Variants in NBAS observed in about 807,000 individuals in gnomAD.
NBAS encodes NAG/BC035112 fusion.
A neutral mutation model predicts 302.5 loss-of-function variants in NBAS; 219 were observed. That is an observed-to-expected ratio of 0.72 (90% CI 0.65 to 0.81). NBAS has a LOEUF of 0.81. Among genes scored for constraint, NBAS ranks in the 30% least tolerant of loss-of-function variants. NBAS has a pLI of 0.00. For missense variants in NBAS, 2,932 were observed against 2,841.6 expected, an observed-to-expected ratio of 1.03 and a Z score of -0.72; for synonymous variants, 1,118 against 1,021.6, an observed-to-expected ratio of 1.09 and a Z score of -1.80.
intron 24 of NBAS, 124 bp from the exon 25 acceptor site, chr2:15,415,843 A>G: frequency 1.1e-6 from 1 of 949,160 alleles, no homozygotes; most frequent in Non-Finnish European, 1.7e-6. Context: ...TGCAAACCCA[A>G]CACTCTAAAA....
At position 15,404,863 on chromosome 2, in the gene NBAS, T is replaced by C. The variant is rs1214348617; in HGVS notation, c.2938-2562A>G. On this transcript the variant is annotated intron_variant, in intron 25 of 51. Transcript: ENST00000281513. ...GTCCTTGAGTCCATATTTGACCACATATGTTCAAACTTTACGTTGAGAATC... is the reference window on the plus strand; with the variant it reads ...GTCCTTGAGTCCATATTTGACCACACATGTTCAAACTTTACGTTGAGAATC... Among the ~76,000 whole-genome samples the C allele has an allele frequency of 1.3e-5, 2 of 152,264 alleles. 1 individual carries two copies. Among genetic ancestry groups the C allele is most frequent in the Admixed American group, 1.3e-4 (2 of 15,300 alleles).
chr2:15,419,964 A>G (rs79720984), intron 23 of NBAS, among the ~76,000 whole-genome samples: 3,080 of 152,216 alleles, frequency 0.02, 72 homozygotes, highest in East Asian at 0.06. Context: ...CGCCTGCCTC[A>G]GCCTCCCAAA....
intron 38 of NBAS, among the ~76,000 whole-genome samples, chr2:15,314,150 T>C (rs1394885525): frequency 1.3e-5 from 2 of 152,218 alleles, no homozygotes; most frequent in East Asian, 1.9e-4. Flanking sequence ...AGCTAGGAGT[T>C]TGAGACCAGC....
the NBAS span, among the ~76,000 whole-genome samples, chr2:15,089,579 G>A: frequency 6.6e-6 from 1 of 152,038 alleles, no homozygotes; most frequent in Non-Finnish European, 1.5e-5. Flanking sequence ...AGGCGGGGAG[G>A]GACCCAGTAC....
At chr2:15,078,908 G>A in the NBAS span, among the ~76,000 whole-genome samples, 1 of 152,116 alleles carries the variant, frequency 6.6e-6, no homozygotes, top group African/African-American at 2.4e-5. Flanking sequence ...TCCTCCTGGA[G>A]GTGAAGTGAG....
chr2:15,343,142 C>T (rs1301295695), intron 35 of NBAS, among the ~76,000 whole-genome samples: 1 of 152,068 alleles, frequency 6.6e-6, no homozygotes, highest in African/African-American at 2.4e-5. Context: ...CCAGGCTATG[C>T]ATTTACACAA....
the NBAS span, among the ~76,000 whole-genome samples, chr2:14,937,043 A>G: frequency 1.3e-5 from 2 of 152,256 alleles, no homozygotes; most frequent in Non-Finnish European, 2.9e-5. Context: ...TACCAGCTCA[A>G]GACAAACTCT....
chr2:15,507,346 C>T (rs539458497), intron 10 of NBAS, among the ~76,000 whole-genome samples: 9 of 152,114 alleles, frequency 5.9e-5, no homozygotes, highest in Non-Finnish European at 1.2e-4. Context: ...TAGGATTTCT[C>T]GTGGAAATAG....
At chr2:14,870,325 C>A in the NBAS span, among the ~76,000 whole-genome samples, 1 of 152,182 alleles carries the variant, frequency 6.6e-6, no homozygotes, top group South Asian at 2.1e-4. Flanking sequence ...AGGGAACCCT[C>A]AAGTCTTTGG....
chr2:15,292,390 A>G (rs1372609814), intron 41 of NBAS, 147 bp downstream of exon 41: 10 of 814,608 alleles, frequency 1.2e-5, no homozygotes, highest in East Asian at 5.3e-5. Context: ...CACATCCCAC[A>G]TAAGACTAGA....
intron 48 of NBAS, among the ~76,000 whole-genome samples, chr2:15,203,436 A>C (rs1303514578): frequency 2.0e-5 from 3 of 152,242 alleles, no homozygotes; most frequent in East Asian, 3.8e-4. Flanking sequence ...TTCACAGCTT[A>C]AGGGAAAAGA....
chr2:15,369,043 C>T (rs965799823), intron 31 of NBAS, among the ~76,000 whole-genome samples: 4 of 152,066 alleles, frequency 2.6e-5, no homozygotes, highest in Non-Finnish European at 5.9e-5. Flanking sequence ...CCTCAATATC[C>T]GCTACTATTT....
intron 47 of NBAS, among the ~76,000 whole-genome samples, chr2:15,219,626 G>C (rs1321038905): frequency 1.5e-5 from 2 of 137,126 alleles, no homozygotes; most frequent in African/African-American, 2.8e-5. Flanking sequence ...TGTTTCAGAG[G>C]GCACAGGGTT....
chr2:15,514,739 C>T (rs999865921), intron 9 of NBAS, among the ~76,000 whole-genome samples: 1 of 151,912 alleles, frequency 6.6e-6, no homozygotes, highest in Non-Finnish European at 1.5e-5. Flanking sequence ...ATGTCTGAAA[C>T]TTTAAGTTGG....
intron 21 of NBAS, among the ~76,000 whole-genome samples, chr2:15,448,339 T>G (rs1480667984): frequency 9.9e-5 from 15 of 152,194 alleles, no homozygotes; most frequent in Non-Finnish European, 1.9e-4. Flanking sequence ...CCACCATTAC[T>G]GTCTAATGAA....
At chr2:15,401,560 T>C (rs912673752) in intron 26 of NBAS, among the ~76,000 whole-genome samples, 5 of 152,192 alleles carry the variant, frequency 3.3e-5, no homozygotes, top group South Asian at 2.1e-4. Context: ...CACTCTTTCA[T>C]GTGTTGTTAT....
the NBAS span, among the ~76,000 whole-genome samples, chr2:14,834,785 G>T: frequency 2.6e-5 from 4 of 152,034 alleles, no homozygotes; most frequent in Admixed American, 6.6e-5. Flanking sequence ...ACACAGAAAG[G>T]TTAAGAATGA....
intron 49 of NBAS, among the ~76,000 whole-genome samples, chr2:15,189,350 T>C (rs1165448828): frequency 2.0e-5 from 3 of 152,202 alleles, no homozygotes; most frequent in Non-Finnish European, 2.9e-5. Flanking sequence ...CAGATATTTG[T>C]TGGCAGTCCT....
intron 9 of NBAS, among the ~76,000 whole-genome samples, chr2:15,528,995 C>T (rs907058979): frequency 4.0e-5 from 6 of 151,270 alleles, no homozygotes; most frequent in African/African-American, 7.3e-5. Context: ...TCTCCCCCAA[C>T]CGCTAACATG....
Sources: gnomAD v4.1 joint callset for allele counts (sites outside exome capture counted in the v4.1 genomes callset) on GRCh38, gnomAD v4.1.1 for gene constraint, MANE v1.5 for transcripts, NCBI Gene and HGNC (gene_info 2026-07-23, HGNC 2026-07-21) for gene names.